The following TNKS2 variants were observed in gnomAD, a reference collection of about 807,000 sequenced individuals.
TNKS2 encodes the protein tankyrase 2, also known as poly [ADP-ribose] polymerase tankyrase-2.
In TNKS2, 72 loss-of-function variants were observed where a neutral mutation model predicts 137.6. The observed-to-expected ratio is 0.52, with a 90% CI of 0.43 to 0.64. The LOEUF is 0.64. TNKS2 is among the 30% of genes least tolerant of loss of function. The pLI is 0.00. For missense variants in TNKS2, 1,049 were observed against 1,410.2 expected (o/e 0.74, Z 4.10); for synonymous variants, 516 against 512.1 (o/e 1.01, Z -0.10).
intron 16 of TNKS2, 54 bp from the exon 17 acceptor site, chr10:91,844,865 T>C: frequency 8.4e-7 from 1 of 1,186,820 alleles, no homozygotes; most frequent in Non-Finnish European, 1.2e-6. Flanking sequence ...TATTATGACA[T>C]AGGACTAAAA....
At position 91,857,451 on chromosome 10, in the gene TNKS2, A is replaced by G. The variant is rs762960669; in HGVS notation, c.3015A>G (p.Leu1005=). The stretch of plus-strand genomic sequence containing the variant: ...TTCAGAAGGTTTGTAACAAGAAACT[A>G]TGGGAAAGATACACTCACCGGAGAA... The part of the protein sequence containing the change: ...LKIQKVCNKK[L]WERYTHRRKE... The change falls in exon 24 of 27, where the codon CTA becomes CTG. Residue 1005 remains leucine (L), a synonymous_variant. Transcript: ENST00000371627. 18 of 1,609,514 alleles carry G rather than the reference A, an allele frequency of 1.1e-5. No homozygotes were observed. The highest frequency in any genetic ancestry group is 5.5e-5 in the South Asian group (5 of 90,510).
rs78125954 is a variant in TNKS2 at position 91,820,842 on chromosome 10, T to C, written c.728+809T>C. 7.4e-3 allele frequency among the ~76,000 whole-genome samples: 1,122 copies of C among 152,222 alleles called. 11 individuals are homozygous for C. The highest frequency in any genetic ancestry group is 0.026 in the African/African-American group (1,067 of 41,524). On this transcript the variant is annotated intron_variant, in intron 6 of 26. Coordinates refer to ENST00000371627, the MANE Select transcript of TNKS2 (RefSeq NM_025235.4). Reference sequence around the variant, plus strand: ...AATGAAGGCATAGATGCAAGAGATATTGCAGTGTAAGAATGGGTAAGATTT... The same window carrying C: ...AATGAAGGCATAGATGCAAGAGATACTGCAGTGTAAGAATGGGTAAGATTT...
chr10:91,807,318 T>C, intron 1 of TNKS2: 1 of 1,614,048 alleles, frequency 6.2e-7, no homozygotes, highest in Non-Finnish European at 8.5e-7. Flanking sequence ...ATCTGTTACT[T>C]TAACACACAA....
chr10:91,798,918 G>T, intron 1 of TNKS2, 29 bp downstream of exon 1: 9 of 1,343,820 alleles, frequency 6.7e-6, no homozygotes, highest in Middle Eastern at 2.2e-4. Context: ...CCCTCGCCTC[G>T]CTCCAGACCC....
intron 12 of TNKS2, 141 bp downstream of exon 12, chr10:91,834,165 T>A: frequency 1.7e-6 from 1 of 577,106 alleles, no homozygotes; most frequent in Non-Finnish European, 2.7e-6. Flanking sequence ...ATACTTTTAA[T>A]CAGCTGAATA....
intron 11 of TNKS2, among the ~76,000 whole-genome samples, chr10:91,833,198 C>G (rs947609717): frequency 6.6e-6 from 1 of 152,134 alleles, no homozygotes; most frequent in Non-Finnish European, 1.5e-5. Flanking sequence ...AGTCCCAGGC[C>G]GTCTCCACTT....
chr10:91,799,950 G>T (rs1844108042), intron 1 of TNKS2, among the ~76,000 whole-genome samples: 1 of 152,198 alleles, frequency 6.6e-6, no homozygotes, highest in African/African-American at 2.4e-5. Flanking sequence ...GAAGAGAAAA[G>T]GAGCAGTGAG....
intron 16 of TNKS2, 94 bp downstream of exon 16, chr10:91,842,485 C>G (rs1235059125): frequency 1.8e-6 from 2 of 1,135,320 alleles, no homozygotes; most frequent in Admixed American, 2.1e-5. Context: ...TTTAAAAATT[C>G]AAATCAGGCC....
At chr10:91,832,704 G>A (rs10881980) in intron 11 of TNKS2, among the ~76,000 whole-genome samples, 49,475 of 151,782 alleles carry the variant, frequency 0.33, 8,574 homozygotes, top group South Asian at 0.53. Context: ...ACTAGTGTCC[G>A]CAGGATTGAT....
In TNKS2 at chr10:91,855,623, A is replaced by G; in HGVS notation, c.2923A>G (p.Thr975Ala). Reference protein sequence around the residue: ...FQSVEEEMQSTVREHRDGGHA... With the variant: ...FQSVEEEMQSAVREHRDGGHA... ...ACCATTTTTCTGACAGATGCAAAGT[A>G]CAGTTCGAGAGCACAGAGATGGAGG... is the stretch of plus-strand genomic sequence containing the variant. Residue 975 changes from threonine (T) to alanine (A), a missense_variant, in exon 23 of 27, where the codon ACA becomes GCA. Coordinates refer to ENST00000371627, the MANE Select transcript of TNKS2 (RefSeq NM_025235.4). 1 of 1,611,196 alleles carries G rather than the reference A, an allele frequency of 6.2e-7. No homozygotes were observed. Among genetic ancestry groups the G allele is most frequent in the Non-Finnish European group, 8.5e-7 (1 of 1,178,698 alleles).
intron 1 of TNKS2, chr10:91,807,406 G>A (rs972484154): frequency 2.1e-5 from 34 of 1,613,866 alleles, no homozygotes; most frequent in South Asian, 1.2e-4. Flanking sequence ...TCGGCAGCGC[G>A]GCTGAACTCC....
At chr10:91,829,110 T>G (rs1333389431) in intron 9 of TNKS2, among the ~76,000 whole-genome samples, 1 of 152,216 alleles carries the variant, frequency 6.6e-6, no homozygotes, top group Non-Finnish European at 1.5e-5. Flanking sequence ...TGAGAGAAGA[T>G]AAGTAAGTTA....
rs559919164 is a variant in TNKS2 at position 91,810,566 on chromosome 10, G to A, written c.200-2417G>A. On this transcript the variant is annotated intron_variant, in intron 1 of 26. Transcript: ENST00000371627. ...CTCCCAGGCTGGAGTGCAGTGGCCC[G>A]GTCTTGGCTCAGTGCAAGCTCTGCC... Among the ~76,000 whole-genome samples, 17 of 151,680 alleles carry A rather than the reference G, an allele frequency of 1.1e-4. No homozygotes were observed. In the East Asian group the frequency reaches 2.6e-3, roughly 23 times the overall value.
intron 1 of TNKS2, among the ~76,000 whole-genome samples, chr10:91,810,914 TCTTTTC>T (rs1844477566): frequency 9.2e-6 from 1 of 108,432 alleles, no homozygotes; most frequent in South Asian, 3.3e-4. Flanking sequence ...TTCTCTCTTT[TCTTTTC>T]TTTTTTTTTT....
At chr10:91,822,210 G>C in intron 6 of TNKS2, 86 bp from the exon 7 acceptor site, 1 of 1,017,928 alleles carries the variant, frequency 9.8e-7, no homozygotes, top group Non-Finnish European at 1.4e-6. Flanking sequence ...TTAAGTATAA[G>C]TAATTAAATA....
chr10:91,828,720 T>A (rs955182032), intron 9 of TNKS2, among the ~76,000 whole-genome samples: 8 of 152,208 alleles, frequency 5.3e-5, no homozygotes, highest in African/African-American at 1.9e-4. Context: ...TAAAAATGAA[T>A]GCTTAGGTTA....
intron 1 of TNKS2, among the ~76,000 whole-genome samples, chr10:91,806,751 C>T (rs1316886283): frequency 6.6e-6 from 1 of 152,130 alleles, no homozygotes; most frequent in Non-Finnish European, 1.5e-5. Flanking sequence ...ATTTATTGGT[C>T]ACAACAGCAT....
At position 91,851,211 on chromosome 10, in the gene TNKS2, G is replaced by A. The variant is rs1458596219; in HGVS notation, c.2695-5G>A. On this transcript the variant is annotated splice_region_variant and splice_polypyrimidine_tract_variant and intron_variant, in intron 20 of 26. Transcript: ENST00000371627. ...ATTCTAAGTAGTTTCCTCCTCTTTT[G>A]TAAGATCACTTTGGATGTATTAGTT... 1.9e-6 allele frequency: 3 copies of A among 1,613,092 alleles called. No individual in the cohort carries two copies. In the South Asian group the frequency reaches 3.3e-5, roughly 18 times the overall value.
chr10:91,815,948 C>CTTTT lies in TNKS2; in HGVS notation c.425-1171_425-1168dup, dbSNP rs10691725. Among the ~76,000 whole-genome samples, 743 of 125,110 alleles carry CTTTT rather than the reference C, an allele frequency of 5.9e-3. 15 individuals carry two copies. The highest frequency in any genetic ancestry group is 0.017 in the African/African-American group (551 of 32,752). The allele number at this position is 125,110 out of a possible 152,430, so 82.1% of individuals were successfully genotyped here. ...CACAGAGCAAAACACAAGACTTTCT[C>CTTTT]TTTTTTTTTTTTTTTTTTGAGACGG... On this transcript the variant is annotated intron_variant, in intron 2 of 26. Transcript: ENST00000371627.
Sources: gnomAD v4.1 joint callset for allele counts (sites outside exome capture counted in the v4.1 genomes callset) on GRCh38, gnomAD v4.1.1 for gene constraint, MANE v1.5 for transcripts, NCBI Gene and HGNC (gene_info 2026-07-23, HGNC 2026-07-21) for gene names.